Variants in FAM200B observed in about 807,000 individuals in gnomAD.
The protein encoded by FAM200B is protein FAM200B.
A neutral mutation model predicts 33.1 loss-of-function variants in FAM200B; 32 were observed. That is an observed-to-expected ratio of 0.97 (90% confidence interval 0.73 to 1.30). The LOEUF (loss-of-function observed/expected upper bound fraction) is 1.30. FAM200B is among the 50% of genes most tolerant of loss of function. The pLI, the probability that FAM200B is intolerant of heterozygous loss-of-function variation, is 0.00. For missense variants in FAM200B, 741 were observed against 754.0 expected, an observed-to-expected ratio of 0.98 and a Z score of 0.20; for synonymous variants, 240 against 264.8, an observed-to-expected ratio of 0.91 and a Z score of 0.91.
chr4:15,637,877 A>C, the FAM200B span, among the ~76,000 whole-genome samples: 1 of 151,404 alleles, frequency 6.6e-6, no homozygotes, highest in Non-Finnish European at 1.5e-5. Flanking sequence ...CTGAACATAA[A>C]TAATTACTGA....
At position 15,688,206 on chromosome 4, in the gene FAM200B, T is replaced by G. The variant is rs1270583438; in HGVS notation, c.1229T>G (p.Ile410Ser). The G allele has an allele frequency of 6.4e-7, 1 of 1,550,788 alleles. No individual in the cohort carries two copies. Among genetic ancestry groups the G allele is most frequent in the East Asian group, 2.4e-5 (1 of 40,846 alleles). Residue 410 changes from isoleucine to serine, a missense_variant, in exon 2 of 2, where the codon ATT becomes AGT. Coordinates refer to ENST00000422728, the MANE Select transcript of FAM200B (RefSeq NM_001145191.2). Reference protein sequence around the residue: ...ELRNEIHFFLIEKKSHLASIF... With the variant: ...ELRNEIHFFLSEKKSHLASIF... ...AGGAATGAGATTCACTTTTTTCTCA[T>G]TGAAAAAAAATCTCATTTGGCAAGT...
chr4:15,655,763 G>A, the FAM200B span, among the ~76,000 whole-genome samples: 22 of 152,310 alleles, frequency 1.4e-4, no homozygotes, highest in Non-Finnish European at 2.1e-4. Context: ...TGCTTGGCCT[G>A]GGTGACCAAT....
chr4:15,668,238 A>G, the FAM200B span, among the ~76,000 whole-genome samples: 1 of 151,044 alleles, frequency 6.6e-6, no homozygotes, highest in Admixed American at 6.6e-5. Flanking sequence ...GTCAAAACAC[A>G]TTATCTAGTA....
chr4:15,688,645 T>C lies in FAM200B; in HGVS notation c.1668T>C (p.Pro556=), dbSNP rs1298031480. ...PESIIELNLV[P]EEENELLQLS... is the part of the protein sequence containing the mutation. ...CAATAATTGAGCTAAACTTGGTGCC[T>C]GAAGAAGAGAATGAATTATTGCAGC... Residue 556 remains proline, a synonymous_variant, in exon 2 of 2, where the codon CCT becomes CCC. Coordinates refer to ENST00000422728, the MANE Select transcript of FAM200B (RefSeq NM_001145191.2). 1 of 1,551,372 alleles carries C rather than the reference T, an allele frequency of 6.4e-7. No individual in the cohort carries two copies. Among genetic ancestry groups the C allele is most frequent in the Non-Finnish European group, 8.7e-7 (1 of 1,146,752 alleles).
the FAM200B span, among the ~76,000 whole-genome samples, chr4:15,647,604 CA>C: frequency 6.6e-6 from 1 of 152,064 alleles, no homozygotes; most frequent in African/African-American, 2.4e-5. Context: ...GATCTAATAA[CA>C]CATTAAGGTA....
chr4:15,650,682 T>C, the FAM200B span, among the ~76,000 whole-genome samples: 1 of 147,242 alleles, frequency 6.8e-6, no homozygotes, highest in Non-Finnish European at 1.5e-5. Context: ...TTTTTTTTTT[T>C]TTTGAGACAG....
upstream of FAM200B, among the ~76,000 whole-genome samples, chr4:15,679,562 C>CAAAAAA (rs1202369624): frequency 5.3e-5 from 5 of 94,320 alleles, no homozygotes; most frequent in Admixed American, 1.1e-4. Flanking sequence ...AGTTCAGGAA[C>CAAAAAA]AAAAAAAAAA....
the FAM200B span, among the ~76,000 whole-genome samples, chr4:15,674,125 G>A: frequency 6.6e-6 from 1 of 151,720 alleles, no homozygotes; most frequent in African/African-American, 2.4e-5. Flanking sequence ...GTTATGCTTG[G>A]TGCCTGCAGA....
At chr4:15,647,743 G>T in the FAM200B span, among the ~76,000 whole-genome samples, 1 of 152,266 alleles carries the variant, frequency 6.6e-6, no homozygotes, top group Non-Finnish European at 1.5e-5. Context: ...TGACTCTAGG[G>T]CAAGATTGCC....
At chr4:15,678,789 G>A (rs1264231932), upstream of FAM200B, among the ~76,000 whole-genome samples, 1 of 152,068 alleles carries the variant, frequency 6.6e-6, no homozygotes, top group Non-Finnish European at 1.5e-5. Flanking sequence ...TGTTTGAAAT[G>A]TCACTGTCTT....
At chr4:15,640,005 C>T in the FAM200B span, among the ~76,000 whole-genome samples, 18 of 152,072 alleles carry the variant, frequency 1.2e-4, no homozygotes, top group South Asian at 2.5e-3. Flanking sequence ...TCAATGATAC[C>T]CTAATACATG....
At chr4:15,645,194 C>T in the FAM200B span, among the ~76,000 whole-genome samples, 1 of 151,882 alleles carries the variant, frequency 6.6e-6, no homozygotes, top group Non-Finnish European at 1.5e-5. Flanking sequence ...TGTCTTATTG[C>T]CTATTATCAG....
the FAM200B span, among the ~76,000 whole-genome samples, chr4:15,665,394 C>T: frequency 7.6e-4 from 116 of 152,268 alleles, no homozygotes; most frequent in African/African-American, 2.6e-3. Context: ...TCTCCAACAA[C>T]GGCTTATTAT....
chr4:15,638,698 AAT>A, the FAM200B span: 10 of 1,539,656 alleles, frequency 6.5e-6, no homozygotes, highest in Non-Finnish European at 8.8e-6. Flanking sequence ...GAAAAACCTA[AAT>A]TAAACAAAAT....
chr4:15,665,705 C>G, the FAM200B span, among the ~76,000 whole-genome samples: 1 of 152,006 alleles, frequency 6.6e-6, no homozygotes, highest in Admixed American at 6.6e-5. Context: ...GCAGAAATAA[C>G]GTTTATCTGA....
the FAM200B span, among the ~76,000 whole-genome samples, chr4:15,642,370 C>T: frequency 6.6e-6 from 1 of 151,662 alleles, no homozygotes; most frequent in East Asian, 1.9e-4. Context: ...GTAGCTGGGA[C>T]TACAGGTGCC....
the FAM200B span, among the ~76,000 whole-genome samples, chr4:15,646,815 C>A: frequency 2.0e-5 from 3 of 150,914 alleles, no homozygotes; most frequent in East Asian, 2.0e-4. Flanking sequence ...TTTGTCCTTG[C>A]GACAGTTTGC....
the FAM200B span, among the ~76,000 whole-genome samples, chr4:15,643,090 T>C: frequency 1.3e-5 from 2 of 152,270 alleles, no homozygotes; most frequent in South Asian, 2.1e-4. Context: ...ATTCAAAGAA[T>C]ACGAAAGAAT....
the FAM200B span, among the ~76,000 whole-genome samples, chr4:15,664,795 G>A: frequency 6.6e-6 from 1 of 151,924 alleles, no homozygotes; most frequent in African/African-American, 2.4e-5. Flanking sequence ...CTGACCTCAG[G>A]TGATCTGCCC....
Sources: gnomAD v4.1 joint callset for allele counts (sites outside exome capture counted in the v4.1 genomes callset) on GRCh38, gnomAD v4.1.1 for gene constraint, MANE v1.5 for transcripts, NCBI Gene and HGNC (gene_info 2026-07-23, HGNC 2026-07-21) for gene names.